The following A1CF variants were observed in gnomAD, a reference collection of about 807,000 sequenced individuals.
A1CF encodes the protein APOBEC1 complementation factor.
A1CF carries 48 observed loss-of-function variants against 68.9 expected under a neutral mutation model. That is an observed-to-expected ratio of 0.70 (90% CI 0.55 to 0.89). The LOEUF is 0.89. A1CF is among the 40% of genes least tolerant of loss of function. The probability of loss-of-function intolerance (pLI) is 0.00; values close to 1 mark genes in which losing one functional copy is unlikely to be tolerated. For synonymous variants in A1CF, 272 were observed against 260.4 expected (o/e 1.04, Z -0.43); for missense variants, 653 against 718.9 (o/e 0.91, Z 1.05).
At chr10:50,815,877 G>T in intron 9 of A1CF, 129 bp downstream of exon 9, 1 of 1,104,404 alleles carries the variant, frequency 9.1e-7, no homozygotes, top group Non-Finnish European at 1.3e-6. Context: ...TGATATAATA[G>T]TTGATTTTTA....
intron 3 of A1CF, among the ~76,000 whole-genome samples, chr10:50,846,748 A>G (rs1219150151): frequency 6.6e-6 from 1 of 152,208 alleles, no homozygotes; most frequent in Admixed American, 6.5e-5. Context: ...TTACCTGCTT[A>G]CAATCTGAAA....
In A1CF at chr10:50,799,845, T is replaced by C. The variant is rs866954139; in HGVS notation, c.*6884A>G. 6 of 152,126 alleles carry C rather than the reference T, an allele frequency of 3.9e-5. No homozygotes were observed. The highest frequency in any genetic ancestry group is 1.4e-4 in the African/African-American group (6 of 41,444). 9.4% of individuals were successfully genotyped at this position (152,126 alleles called of 1,614,324 possible). ...TAGGGAATAACAATATCGGGCTGTATTGCAGTCAGAAACATAGAAGAAAAG... is the reference window on the plus strand; with the variant it reads ...TAGGGAATAACAATATCGGGCTGTACTGCAGTCAGAAACATAGAAGAAAAG... On this transcript the variant is annotated 3_prime_UTR_variant, in exon 13 of 13. Transcript: ENST00000373997.
intron 2 of A1CF, among the ~76,000 whole-genome samples, chr10:50,861,880 T>C (rs1840763744): frequency 1.3e-5 from 2 of 149,082 alleles, no homozygotes; most frequent in African/African-American, 4.9e-5. Context: ...AGTATACTAG[T>C]ATAGTATTAC....
chr10:50,841,718 A>G, intron 5 of A1CF, 144 bp downstream of exon 5: 6 of 888,370 alleles, frequency 6.8e-6, no homozygotes, highest in Non-Finnish European at 1.0e-5. Flanking sequence ...AATCAAATTT[A>G]TTTTTGCCAA....
chr10:50,872,101 T>C (rs1218858695), intron 1 of A1CF, among the ~76,000 whole-genome samples: 1 of 151,726 alleles, frequency 6.6e-6, no homozygotes, highest in Non-Finnish European at 1.5e-5. Flanking sequence ...GAACTGTCAA[T>C]TTAAAGAAAT....
In A1CF at chr10:50,841,984, T is replaced by G; in HGVS notation, c.243A>C (p.Lys81Asn). 1 of 1,608,360 alleles carries G rather than the reference T, an allele frequency of 6.2e-7. No individual in the cohort carries two copies. Among genetic ancestry groups the G allele is most frequent in the Non-Finnish European group, 8.5e-7 (1 of 1,176,588 alleles). ...ELIPLCEKIG[K>N]IYEMRMMMDF... is the part of the protein sequence containing the mutation. The stretch of plus-strand genomic sequence containing the variant: ...CCATCATCATTCTCATTTCATAAAT[T>G]TTACCGATCTGCAAGTAATAGAAAT... Residue 81 changes from lysine to asparagine, a missense_variant, in exon 5 of 13, where the codon AAA becomes AAC. Lys to Asn is a moderately conservative substitution (Grantham distance 94). Transcript: ENST00000373997.
chr10:50,834,185 G>A (rs1310519361), intron 6 of A1CF, among the ~76,000 whole-genome samples: 1 of 152,192 alleles, frequency 6.6e-6, no homozygotes, highest in Non-Finnish European at 1.5e-5. Context: ...TTACTGGATT[G>A]TCTTGACCCT....
At chr10:50,875,700 C>T (rs571083598) in intron 1 of A1CF, among the ~76,000 whole-genome samples, 75 of 152,270 alleles carry the variant, frequency 4.9e-4, no homozygotes, top group Non-Finnish European at 8.1e-4. Context: ...CTCTATTTCC[C>T]ACCCCATCTT....
At position 50,802,913 on chromosome 10, in the gene A1CF, A is replaced by G. The variant is rs527444388; in HGVS notation, c.*3816T>C. 2 of 152,320 alleles carry G rather than the reference A, an allele frequency of 1.3e-5. No homozygotes were observed. Among genetic ancestry groups the G allele is most frequent in the East Asian group, 1.9e-4 (1 of 5,192 alleles). The allele number at this position is 152,320 out of a possible 1,614,324, so 9.4% of individuals were successfully genotyped here. A position where few individuals can be genotyped will look rare whatever the true frequency, so the allele number is the denominator to read the frequency against. On this transcript the variant is annotated 3_prime_UTR_variant, in exon 13 of 13. Coordinates refer to ENST00000373997, the MANE Select transcript of A1CF (RefSeq NM_014576.4). ...AAAAATGGAACATTATATTGATGCA[A>G]TATTTTGCTAATCTATGCAATCAGA... is the stretch of plus-strand genomic sequence containing the variant.
At chr10:50,810,434 G>A (rs1838049001) in intron 11 of A1CF, among the ~76,000 whole-genome samples, 1 of 152,142 alleles carries the variant, frequency 6.6e-6, no homozygotes. Flanking sequence ...GTATAAAATG[G>A]TAGTTTCATA....
chr10:50,876,402 G>C (rs141780975), intron 1 of A1CF, among the ~76,000 whole-genome samples: 33 of 152,340 alleles, frequency 2.2e-4, no homozygotes, highest in African/African-American at 6.5e-4. Flanking sequence ...TAAGTGCTCT[G>C]TCCTTGTCAA....
intron 6 of A1CF, among the ~76,000 whole-genome samples, chr10:50,831,403 A>G (rs1321040982): frequency 1.3e-5 from 2 of 152,200 alleles, no homozygotes; most frequent in African/African-American, 4.8e-5. Flanking sequence ...AACTCAAACA[A>G]TCAATAGTAG....
At chr10:50,821,109 A>G (rs901471681) in intron 7 of A1CF, among the ~76,000 whole-genome samples, 2 of 152,202 alleles carry the variant, frequency 1.3e-5, no homozygotes, top group African/African-American at 2.4e-5. Flanking sequence ...AAATTTAAAT[A>G]TTAGGTAACT....
chr10:50,857,029 C>A (rs1010621397), intron 3 of A1CF, among the ~76,000 whole-genome samples: 2 of 151,950 alleles, frequency 1.3e-5, no homozygotes, highest in Admixed American at 1.3e-4. Context: ...TTATTTGGGT[C>A]TCTTTTCAAA....
chr10:50,836,112 T>C lies in A1CF; in HGVS notation c.566A>G (p.His189Arg). ...CCTCCTCGCCATGGCAGCTGCTCGA[T>C]GACTCTCATACTCCACGAAGGCAAA... ...RGFAFVEYESHRAAAMARRKL... is the reference protein window; with the variant it reads ...RGFAFVEYESRRAAAMARRKL... The change falls in exon 6 of 13, where the codon CAT (histidine) becomes CGT (arginine). Residue 189 changes from histidine to arginine, a missense_variant. His to Arg is a conservative substitution (Grantham distance 29). Transcript: ENST00000373997. 2 of 1,612,746 alleles carry C rather than the reference T, an allele frequency of 1.2e-6. No homozygotes were observed. Among genetic ancestry groups the C allele is most frequent in the African/African-American group, 1.3e-5 (1 of 74,994 alleles).
intron 12 of A1CF, 147 bp from the exon 13 acceptor site, chr10:50,807,027 A>T: frequency 2.5e-6 from 2 of 784,642 alleles, no homozygotes; most frequent in Non-Finnish European, 3.9e-6. Context: ...GTCCTTAAGG[A>T]CACAATATGT....
intron 3 of A1CF, among the ~76,000 whole-genome samples, chr10:50,847,176 A>G (rs1248866208): frequency 1.3e-5 from 2 of 152,222 alleles, no homozygotes; most frequent in African/African-American, 2.4e-5. Context: ...AATAGTTCAG[A>G]CTAAAAGAAT....
intron 10 of A1CF, 126 bp from the exon 11 acceptor site, chr10:50,811,302 G>A: frequency 1.1e-6 from 1 of 873,156 alleles, no homozygotes; most frequent in Non-Finnish European, 1.6e-6. Flanking sequence ...AATGCCACAT[G>A]ATTTAATGAC....
At chr10:50,846,526 A>G (rs180841932) in intron 3 of A1CF, among the ~76,000 whole-genome samples, 19 of 152,288 alleles carry the variant, frequency 1.2e-4, no homozygotes, top group Admixed American at 4.6e-4. Flanking sequence ...ATTGGGTGGT[A>G]TTTTTACCCT....
Sources: allele counts gnomAD v4.1 joint callset (sites outside exome capture counted in the v4.1 genomes callset), GRCh38; gene constraint gnomAD v4.1.1; transcripts MANE v1.5; gene names NCBI Gene and HGNC (gene_info 2026-07-23, HGNC 2026-07-21).